GSE1: variants seen among roughly 807,000 people sequenced by gnomAD.
GSE1 encodes genetic suppressor element 1.
In GSE1, 32 loss-of-function variants were observed where a neutral mutation model predicts 112.6. The ratio of observed to expected loss-of-function variants is 0.28; its 90% confidence interval spans 0.21 to 0.38. The LOEUF is 0.38. Ranked by LOEUF, GSE1 falls within the 10% of genes least tolerant of loss-of-function variation. GSE1 has a pLI of 1.00. For synonymous variants in GSE1, 1,115 were observed against 735.6 expected, an observed-to-expected ratio of 1.52 and a Z score of -8.35; for missense variants, 2,348 against 1,699.2, an observed-to-expected ratio of 1.38 and a Z score of -6.71.
chr16:85,384,258 G>A (rs922940047), intron 2 of GSE1, among the ~76,000 whole-genome samples: 2 of 152,172 alleles, frequency 1.3e-5, no homozygotes, highest in African/African-American at 2.4e-5. Context: ...AGAAACACAC[G>A]TGCCTTGCTC....
At chr16:85,294,144 A>G (rs1164284523) in intron 1 of GSE1, among the ~76,000 whole-genome samples, 2 of 152,188 alleles carry the variant, frequency 1.3e-5, no homozygotes, top group African/African-American at 2.4e-5. Context: ...TCCAGCTGGC[A>G]TCTCTCCAGC....
intron 1 of GSE1, among the ~76,000 whole-genome samples, chr16:85,622,048 G>A (rs956806068): frequency 1.3e-5 from 2 of 152,230 alleles, no homozygotes; most frequent in East Asian, 3.8e-4. Flanking sequence ...GGAGGGGCGT[G>A]TGTGTGTGCA....
At chr16:85,364,359 A>G (rs1000121568) in intron 2 of GSE1, among the ~76,000 whole-genome samples, 2 of 152,160 alleles carry the variant, frequency 1.3e-5, no homozygotes, top group Admixed American at 6.5e-5. Flanking sequence ...CCCATCTCCC[A>G]TCTCAAGGTC....
chr16:85,610,197 TG>T (rs1345030078), upstream of GSE1, among the ~76,000 whole-genome samples: 1 of 152,112 alleles, frequency 6.6e-6, no homozygotes, highest in Non-Finnish European at 1.5e-5. Flanking sequence ...GCACAGTCCG[TG>T]GTAAGGAGCA....
intron 3 of GSE1, among the ~76,000 whole-genome samples, chr16:85,649,234 A>G (rs1386288984): frequency 6.6e-6 from 1 of 151,976 alleles, no homozygotes; most frequent in African/African-American, 2.4e-5. Flanking sequence ...GTGTCTCCAA[A>G]TGCAGTTCCG....
chr16:85,527,274 C>T (rs1232211679), intron 2 of GSE1, among the ~76,000 whole-genome samples: 4 of 152,216 alleles, frequency 2.6e-5, no homozygotes, highest in East Asian at 1.9e-4. Flanking sequence ...TGCACACGCG[C>T]GTGTTAAAGG....
intron 2 of GSE1, among the ~76,000 whole-genome samples, chr16:85,504,676 C>T (rs1020759175): frequency 1.4e-4 from 21 of 152,252 alleles, no homozygotes; most frequent in African/African-American, 4.8e-4. Context: ...GGCAAGTGAG[C>T]CAATTTAGAT....
intron 1 of GSE1, among the ~76,000 whole-genome samples, chr16:85,254,465 C>T (rs1278235494): frequency 6.6e-6 from 1 of 152,170 alleles, no homozygotes; most frequent in Non-Finnish European, 1.5e-5. Context: ...TTAGGTGACC[C>T]TTTAGCATGA....
chr16:85,358,150 C>T (rs958290229), intron 2 of GSE1, among the ~76,000 whole-genome samples: 52 of 152,136 alleles, frequency 3.4e-4, no homozygotes, highest in African/African-American at 1.3e-3. Context: ...GTGGACCACA[C>T]CCCCACTCCA....
chr16:85,171,444 C>T (rs750722554), exon 1 of GSE1: 149 of 985,546 alleles, frequency 1.5e-4, no homozygotes, highest in Non-Finnish European at 1.7e-4. Context: ...CTGTGGACTC[C>T]ACCGGCCTGG....
At chr16:85,278,457 A>C (rs1197589010) in intron 1 of GSE1, among the ~76,000 whole-genome samples, 1 of 152,226 alleles carries the variant, frequency 6.6e-6, no homozygotes, top group Non-Finnish European at 1.5e-5. Flanking sequence ...ACAGGTTTTA[A>C]AAAAATCATT....
chr16:85,588,583 G>A (rs1029655691), intron 1 of GSE1, among the ~76,000 whole-genome samples: 16 of 152,208 alleles, frequency 1.1e-4, no homozygotes, highest in African/African-American at 3.9e-4. Flanking sequence ...GCAAAACCGG[G>A]GGCTTCTTTA....
intron 1 of GSE1, among the ~76,000 whole-genome samples, chr16:85,621,328 C>T (rs998038818): frequency 2.0e-5 from 3 of 152,208 alleles, no homozygotes; most frequent in Non-Finnish European, 2.9e-5. Context: ...TGGGGGAACC[C>T]GCTTAGATCG....
chr16:85,433,109 A>G (rs1597738848), intron 2 of GSE1, among the ~76,000 whole-genome samples: 1 of 151,930 alleles, frequency 6.6e-6, no homozygotes, highest in Non-Finnish European at 1.5e-5. Flanking sequence ...GAGGCTCAGC[A>G]CCAGCCCCAG....
chr16:85,648,593 G>A lies in GSE1; in HGVS notation c.268G>A (p.Ala90Thr). 6.2e-7 allele frequency: 1 copy of A among 1,603,950 alleles called. No individual in the cohort carries two copies. Among genetic ancestry groups the A allele is most frequent in the Non-Finnish European group, 8.5e-7 (1 of 1,175,248 alleles). Residue 90 changes from alanine (A) to threonine (T), a missense_variant, in exon 3 of 16, where the codon GCC (alanine) becomes ACC (threonine). Coordinates refer to ENST00000253458, the MANE Select transcript of GSE1 (RefSeq NM_014615.5). ...CGAGTCGTCCCCCGTGTCCTCTCCGGCCACCAACCACAGCTCCCCCGCCAG... is the reference window on the plus strand; with the variant it reads ...CGAGTCGTCCCCCGTGTCCTCTCCGACCACCAACCACAGCTCCCCCGCCAG... ...SSESSPVSSP[A>T]TNHSSPASTP...
At chr16:85,647,021 G>A (rs970412995) in intron 2 of GSE1, among the ~76,000 whole-genome samples, 4 of 152,198 alleles carry the variant, frequency 2.6e-5, no homozygotes, top group South Asian at 2.1e-4. Flanking sequence ...TGACCTGGGC[G>A]GGAGGGAGAC....
At position 85,371,926 on chromosome 16, in the gene GSE1, G is replaced by A. The variant is rs539687273; in HGVS notation, c.2464+14283G>A. Among the ~76,000 whole-genome samples, 355 of 152,310 alleles carry A rather than the reference G, an allele frequency of 2.3e-3. 2 individuals are homozygous for A. The highest frequency in any genetic ancestry group is 6.8e-3 in the Middle Eastern group (2 of 294). On this transcript the variant is annotated intron_variant, in intron 2 of 2. Transcript: ENST00000637419. ...AAAAGGGCAGGAGGGGCTGGGAGAG[G>A]AGCCAGGCAGCCCTGGCTGAAGGAA...
At chr16:85,428,215 T>C (rs2049036056) in intron 2 of GSE1, among the ~76,000 whole-genome samples, 1 of 152,212 alleles carries the variant, frequency 6.6e-6, no homozygotes, top group Admixed American at 6.5e-5. Flanking sequence ...CAGGGCAGGC[T>C]GAGGGCCCGA....
At chr16:85,500,818 A>G (rs1336437425) in intron 2 of GSE1, among the ~76,000 whole-genome samples, 1 of 152,090 alleles carries the variant, frequency 6.6e-6, no homozygotes, top group Admixed American at 6.6e-5. Flanking sequence ...CTGCAGAGCC[A>G]TGCTCCCTCT....
Sources: allele counts gnomAD v4.1 joint callset (sites outside exome capture counted in the v4.1 genomes callset), GRCh38; gene constraint gnomAD v4.1.1; transcripts MANE v1.5; gene names NCBI Gene and HGNC (gene_info 2026-07-23, HGNC 2026-07-21).